KIAA1549L: variants seen among roughly 807,000 people sequenced by gnomAD.
KIAA1549L encodes KIAA1549 like, also known as UPF0606 protein KIAA1549L.
KIAA1549L carries 88 observed loss-of-function variants against 160.7 expected under a neutral mutation model. That is an observed-to-expected ratio of 0.55 (90% confidence interval 0.46 to 0.65). The LOEUF is 0.65. KIAA1549L is among the 30% of genes least tolerant of loss of function. The pLI, the probability that KIAA1549L is intolerant of heterozygous loss-of-function variation, is 0.00. For missense variants in KIAA1549L, 2,258 were observed against 2,437.5 expected (o/e 0.93, Z 1.55); for synonymous variants, 950 against 976.7 (o/e 0.97, Z 0.51).
chr11:33,438,595 C>T (rs1433028018), intron 1 of KIAA1549L, among the ~76,000 whole-genome samples: 2 of 152,202 alleles, frequency 1.3e-5, no homozygotes, highest in Non-Finnish European at 2.9e-5. Context: ...GCAGGCAGCA[C>T]GTGGGCCTTC....
intron 11 of KIAA1549L, among the ~76,000 whole-genome samples, chr11:33,588,269 T>C (rs1398309237): frequency 6.6e-6 from 1 of 152,160 alleles, no homozygotes; most frequent in African/African-American, 2.4e-5. Context: ...GGACAGTCCC[T>C]ATCGTTGGAA....
At position 33,581,899 on chromosome 11, in the gene KIAA1549L, CTAAA is replaced by C. The variant is rs376236742; in HGVS notation, c.4403-1438_4403-1435del. Among the ~76,000 whole-genome samples the C allele has an allele frequency of 6.2e-3, 937 of 152,178 alleles. 15 individuals carry two copies. Among genetic ancestry groups the C allele is most frequent in the African/African-American group, 0.022 (901 of 41,510 alleles). ...ACTGCACCAAGAAGAAGCACCTCCA[CTAAA>C]ACAATAAAACTGGGTAAAAGCTGAA... On this transcript the variant is annotated intron_variant, in intron 10 of 20. Coordinates refer to ENST00000658780, the MANE Select transcript of KIAA1549L (RefSeq NM_012194.3).
intron 1 of KIAA1549L, among the ~76,000 whole-genome samples, chr11:33,484,114 AT>A (rs2133053466): frequency 1.3e-5 from 2 of 152,032 alleles, no homozygotes; most frequent in African/African-American, 4.8e-5. Flanking sequence ...TTCTATAATT[AT>A]TTTCTATTAT....
intron 1 of KIAA1549L, among the ~76,000 whole-genome samples, chr11:33,496,759 T>C (rs1852829974): frequency 6.6e-6 from 1 of 152,186 alleles, no homozygotes; most frequent in Admixed American, 6.5e-5. Flanking sequence ...TCAGATTGTG[T>C]AGCACTGCCT....
intron 8 of KIAA1549L, among the ~76,000 whole-genome samples, chr11:33,567,146 C>T (rs1855075757): frequency 6.6e-6 from 1 of 152,198 alleles, no homozygotes; most frequent in African/African-American, 2.4e-5. Flanking sequence ...AACCATCATT[C>T]ATGCCTTACC....
intron 1 of KIAA1549L, among the ~76,000 whole-genome samples, chr11:33,412,765 C>T (rs1405205889): frequency 2.0e-5 from 3 of 152,164 alleles, no homozygotes. Context: ...ATTTCTTAAT[C>T]TGTTGAAGTA....
chr11:33,549,157 T>C (rs1341935401), intron 4 of KIAA1549L, among the ~76,000 whole-genome samples: 1 of 152,188 alleles, frequency 6.6e-6, no homozygotes, highest in African/African-American at 2.4e-5. Flanking sequence ...ATTTTTTTTT[T>C]TATGGATTCT....
At chr11:33,662,664 C>T (rs1481156396) in intron 20 of KIAA1549L, among the ~76,000 whole-genome samples, 1 of 152,186 alleles carries the variant, frequency 6.6e-6, no homozygotes, top group Non-Finnish European at 1.5e-5. Context: ...ACGCCTGCAG[C>T]TTTGACACTT....
chr11:33,492,779 CTATTCAT>C (rs749740473), intron 1 of KIAA1549L, among the ~76,000 whole-genome samples: 20 of 152,286 alleles, frequency 1.3e-4, no homozygotes, highest in Non-Finnish European at 2.9e-4. Flanking sequence ...CCCACACATT[CTATTCAT>C]TATTCTGTCT....
intron 1 of KIAA1549L, among the ~76,000 whole-genome samples, chr11:33,388,291 G>A (rs1183213912): frequency 6.6e-6 from 1 of 152,122 alleles, no homozygotes; most frequent in Non-Finnish European, 1.5e-5. Flanking sequence ...GAGTGAAGTG[G>A]GGAGAATAAA....
At chr11:33,406,338 G>A (rs915162477) in intron 1 of KIAA1549L, among the ~76,000 whole-genome samples, 3 of 152,202 alleles carry the variant, frequency 2.0e-5, no homozygotes, top group Non-Finnish European at 4.4e-5. Context: ...GGCTGGGTGG[G>A]GAGGGGGTTC....
chr11:33,532,116 G>A (rs1853787541), intron 1 of KIAA1549L, among the ~76,000 whole-genome samples: 2 of 152,194 alleles, frequency 1.3e-5, no homozygotes, highest in Non-Finnish European at 1.5e-5. Context: ...AACTCTTGGT[G>A]TGACCTTGAC....
intron 1 of KIAA1549L, among the ~76,000 whole-genome samples, chr11:33,447,323 C>A (rs755621436): frequency 2.5e-4 from 38 of 152,140 alleles, no homozygotes; most frequent in Non-Finnish European, 5.1e-4. Context: ...AATGACCTAC[C>A]TATATGAGAA....
chr11:33,595,443 G>C (rs956789958), intron 12 of KIAA1549L, among the ~76,000 whole-genome samples: 2 of 151,982 alleles, frequency 1.3e-5, no homozygotes, highest in African/African-American at 4.8e-5. Flanking sequence ...CGGCCAGGCT[G>C]GTCTCAAACT....
intron 1 of KIAA1549L, among the ~76,000 whole-genome samples, chr11:33,400,364 G>A (rs190230571): frequency 7.9e-4 from 120 of 152,272 alleles, no homozygotes; most frequent in African/African-American, 2.6e-3. Context: ...TAAATGAACT[G>A]GGCTATCAAA....
At chr11:33,489,002 A>G (rs1312514626) in intron 1 of KIAA1549L, among the ~76,000 whole-genome samples, 1 of 152,234 alleles carries the variant, frequency 6.6e-6, no homozygotes, top group Non-Finnish European at 1.5e-5. Flanking sequence ...TTAAATCCTC[A>G]CAACAACCCT....
At chr11:33,589,685 C>T (rs138702207) in intron 11 of KIAA1549L, among the ~76,000 whole-genome samples, 4,099 of 151,868 alleles carry the variant, frequency 0.027, 130 homozygotes, top group Non-Finnish European at 0.035. Context: ...ACCGCATGTT[C>T]TCACTCATAG....
intron 17 of KIAA1549L, among the ~76,000 whole-genome samples, chr11:33,650,591 G>T (rs184470091): frequency 6.6e-6 from 1 of 151,998 alleles, no homozygotes; most frequent in African/African-American, 2.4e-5. Context: ...ACCTTTTCTC[G>T]GGTTGCCCGT....
rs142072795 is a variant in KIAA1549L at position 33,462,849 on chromosome 11, T to C, written c.239-78953T>C. On this transcript the variant is annotated intron_variant, in intron 1 of 20. Transcript: ENST00000658780. ...CAACGGCAGCTTTCTCTCTCTCTCT[T>C]TTTTTGGTACGGTCTTCCTCTGTTG... is the stretch of plus-strand genomic sequence containing the variant. Among the ~76,000 whole-genome samples the C allele has an allele frequency of 2.3e-3, 345 of 152,216 alleles. 2 individuals carry two copies. The highest frequency in any genetic ancestry group is 7.4e-3 in the African/African-American group (306 of 41,530).
Sources: allele counts gnomAD v4.1 joint callset (sites outside exome capture counted in the v4.1 genomes callset), GRCh38; gene constraint gnomAD v4.1.1; transcripts MANE v1.5; gene names NCBI Gene and HGNC (gene_info 2026-07-23, HGNC 2026-07-21).